Variants in HJURP observed in about 807,000 individuals in gnomAD.
HJURP encodes the protein 14-3-3-associated AKT substrate.
In HJURP, 49 loss-of-function variants were observed where a neutral mutation model predicts 72.0. The ratio of observed to expected loss-of-function variants is 0.68; its 90% CI spans 0.54 to 0.86. The LOEUF is 0.86. Among genes scored for constraint, HJURP ranks in the 40% least tolerant of loss-of-function variants. HJURP has a pLI of 0.00. For missense variants in HJURP, 908 were observed against 936.3 expected, an observed-to-expected ratio of 0.97 and a Z score of 0.39; for synonymous variants, 357 against 347.1, an observed-to-expected ratio of 1.03 and a Z score of -0.32.
chr2:233,848,138 T>C (rs780062567), intron 4 of HJURP, among the ~76,000 whole-genome samples: 2 of 152,132 alleles, frequency 1.3e-5, no homozygotes, highest in South Asian at 2.1e-4. Flanking sequence ...TCACTAACTA[T>C]TGGTGTAGGC....
chr2:233,842,334 C>G (rs1705254296), intron 7 of HJURP, 129 bp from the exon 8 acceptor site: 1 of 718,068 alleles, frequency 1.4e-6, no homozygotes, highest in Non-Finnish European at 2.2e-6. Flanking sequence ...AAAAACACCA[C>G]AAATGTGTAG....
At position 233,841,187 on chromosome 2, in the gene HJURP, G is replaced by A; in HGVS notation, c.1593C>T (p.His531=). 5 of 1,614,218 alleles carry A rather than the reference G, an allele frequency of 3.1e-6. No homozygotes were observed. The highest frequency in any genetic ancestry group is 4.2e-6 in the Non-Finnish European group (5 of 1,180,034). Residue 531 remains histidine (H), a synonymous_variant, in exon 8 of 9, where the codon CAC becomes CAT. Transcript: ENST00000411486. The part of the protein sequence containing the change: ...SSSLPKTNPT[H]SATRPQQTSD... ...ATGTCTGCTGCGGGCGAGTTGCGCT[G>A]TGTGTGGGGTTGGTCTTTGGAAGTG...
Position 233,841,453 on chromosome 2 carries a change from G to A in HJURP, c.1327C>T (p.Arg443Trp), listed in dbSNP as rs750138498. The A allele has an allele frequency of 9.3e-6, 15 of 1,614,150 alleles. No homozygotes were observed. The highest frequency in any genetic ancestry group is 5.5e-5 in the South Asian group (5 of 91,076). Residue 443 changes from arginine (R) to tryptophan (W), a missense_variant, in exon 8 of 9, where the codon CGG becomes TGG. By Grantham distance (101) the Arg-to-Trp change is moderately radical. Coordinates refer to ENST00000411486, the MANE Select transcript of HJURP (RefSeq NM_018410.5). The part of the protein sequence containing the change: ...EIEIRFDQLH[R>W]EYCLSPRNQP... ...TTCCTGGGACTCAGGCAATATTCCCGATGAAGCTGATCAAATCGGATTTCA... is the reference window on the plus strand; with the variant it reads ...TTCCTGGGACTCAGGCAATATTCCCAATGAAGCTGATCAAATCGGATTTCA...
In HJURP at chr2:233,854,369, C is replaced by A. The variant is rs375087542; in HGVS notation, c.117+15G>T. The A allele has an allele frequency of 1.9e-6, 3 of 1,554,310 alleles. No individual in the cohort carries two copies. Among genetic ancestry groups the A allele is most frequent in the Admixed American group, 1.8e-5 (1 of 56,232 alleles). ...ACGCAGGCCTCCCCTCCCGGCGGAC[C>A]GGCGGGGGCCGCACCTTCTCTATCA... is the stretch of plus-strand genomic sequence containing the variant. On this transcript the variant is annotated intron_variant, in intron 1 of 8. Coordinates refer to ENST00000411486, the MANE Select transcript of HJURP (RefSeq NM_018410.5).
At chr2:233,844,973 C>A (rs889163354) in intron 6 of HJURP, among the ~76,000 whole-genome samples, 1 of 147,292 alleles carries the variant, frequency 6.8e-6, no homozygotes, top group African/African-American at 2.5e-5. Flanking sequence ...ACATCCCCCC[C>A]CTCCCAACAT....
chr2:233,837,529 C>G lies in HJURP; in HGVS notation c.*48G>C. On this transcript the variant is annotated 3_prime_UTR_variant, in exon 9 of 9. Coordinates refer to ENST00000411486, the MANE Select transcript of HJURP (RefSeq NM_018410.5). ...AAGAATCAAAAACAAAACAAAAATA[C>G]AAACAGAGAGCAAGTGGGAAGATAA... The G allele has an allele frequency of 7.6e-7, 1 of 1,310,132 alleles. No homozygotes were observed. Among genetic ancestry groups the G allele is most frequent in the South Asian group, 1.2e-5 (1 of 82,798 alleles). The allele number at this position is 1,310,132 out of a possible 1,614,324, so 81.2% of individuals were successfully genotyped here. A position where few individuals can be genotyped will look rare whatever the true frequency, so the allele number is the denominator to read the frequency against.
At chr2:233,845,864 A>T (rs780219787) in intron 5 of HJURP, 44 bp from the exon 6 acceptor site, 1 of 1,260,124 alleles carries the variant, frequency 7.9e-7, no homozygotes, top group African/African-American at 1.5e-5. Flanking sequence ...GCTTCTGAGT[A>T]TAGCTGACCT....
chr2:233,839,087 C>T (rs1705153482), intron 8 of HJURP, among the ~76,000 whole-genome samples: 1 of 152,256 alleles, frequency 6.6e-6, no homozygotes, highest in African/African-American at 2.4e-5. Flanking sequence ...ACTGGGAAGA[C>T]AGATGACAAC....
chr2:233,854,531 G>C lies in HJURP; in HGVS notation c.-31C>G. 3 of 1,497,298 alleles carry C rather than the reference G, an allele frequency of 2.0e-6. No individual in the cohort carries two copies. The highest frequency in any genetic ancestry group is 2.8e-6 in the Non-Finnish European group (3 of 1,085,584). 92.8% of individuals were successfully genotyped at this position (1,497,298 alleles called of 1,614,324 possible). On this transcript the variant is annotated 5_prime_UTR_variant, in exon 1 of 9. Transcript: ENST00000411486. ...CCAGCCAGTACCCAAGCGCCAACCC[G>C]GACTGCAGGGCCTCGCGCGCCACAA...
At chr2:233,847,252 C>A in intron 5 of HJURP, 145 bp downstream of exon 5, 1 of 663,600 alleles carries the variant, frequency 1.5e-6, no homozygotes. Context: ...AAATCCGAGA[C>A]TTGGAAGTAG....
chr2:233,843,713 G>T (rs1705287369), intron 7 of HJURP, among the ~76,000 whole-genome samples: 1 of 152,180 alleles, frequency 6.6e-6, no homozygotes, highest in South Asian at 2.1e-4. Context: ...GGACGTCACT[G>T]GCACAATGGG....
intron 8 of HJURP, among the ~76,000 whole-genome samples, chr2:233,838,792 A>G (rs1450667444): frequency 6.6e-6 from 1 of 152,188 alleles, no homozygotes; most frequent in African/African-American, 2.4e-5. Context: ...AGCCTCCATG[A>G]AGTGTCTGCC....
At chr2:233,844,377 T>G in intron 6 of HJURP, 94 bp from the exon 7 acceptor site, 1 of 877,340 alleles carries the variant, frequency 1.1e-6, no homozygotes. Flanking sequence ...GGACTGTGCA[T>G]CTTAGCACAG....
chr2:233,848,169 G>A (rs1415681203), intron 4 of HJURP, among the ~76,000 whole-genome samples: 1 of 152,018 alleles, frequency 6.6e-6, no homozygotes, highest in Non-Finnish European at 1.5e-5. Flanking sequence ...GAAAGGGACT[G>A]GGCAGAGGGG....
intron 5 of HJURP, among the ~76,000 whole-genome samples, chr2:233,847,143 T>C (rs1028415028): frequency 3.9e-5 from 6 of 151,902 alleles, no homozygotes; most frequent in Non-Finnish European, 7.4e-5. Context: ...ATCTGCAGAG[T>C]GAAAATCATC....
At chr2:233,845,872 C>A (rs928151011) in intron 5 of HJURP, 52 bp from the exon 6 acceptor site, 4 of 1,196,832 alleles carry the variant, frequency 3.3e-6, no homozygotes, top group African/African-American at 3.0e-5. Flanking sequence ...GTATAGCTGA[C>A]CTTTTGGCTT....
chr2:233,838,650 G>A lies in HJURP; in HGVS notation c.2172-998C>T, dbSNP rs1705141237. Among the ~76,000 whole-genome samples, 3 of 152,170 alleles carry A rather than the reference G, an allele frequency of 2.0e-5. No individual in the cohort carries two copies. In the South Asian group the frequency reaches 6.2e-4, roughly 32 times the overall value. On this transcript the variant is annotated intron_variant, in intron 8 of 8. Transcript: ENST00000411486. ...AGAGCAGAGGAGCTCTGATGTGTGG[G>A]AGACCAGGAGAAACCTCAGATCTCT...
intron 4 of HJURP, 50 bp from the exon 5 acceptor site, chr2:233,847,511 A>G: frequency 6.7e-7 from 1 of 1,486,678 alleles, no homozygotes; most frequent in African/African-American, 1.4e-5. Flanking sequence ...GAAGGAGTGC[A>G]TTTTCCTCTC....
intron 8 of HJURP, among the ~76,000 whole-genome samples, chr2:233,839,058 T>C (rs917376544): frequency 6.6e-6 from 1 of 152,190 alleles, no homozygotes; most frequent in Non-Finnish European, 1.5e-5. Flanking sequence ...ACCTGAACAC[T>C]TACGTATGTC....
Sources: gnomAD v4.1 joint callset for allele counts (sites outside exome capture counted in the v4.1 genomes callset) on GRCh38, gnomAD v4.1.1 for gene constraint, MANE v1.5 for transcripts, NCBI Gene and HGNC (gene_info 2026-07-23, HGNC 2026-07-21) for gene names.